Variants in KCNH8 observed in about 807,000 individuals in gnomAD.
The protein encoded by KCNH8 is potassium voltage-gated channel subfamily H member 8.
Under a neutral mutation model 103.6 loss-of-function variants are expected in KCNH8, and 70 were observed. The ratio of observed to expected loss-of-function variants is 0.68; its 90% CI spans 0.56 to 0.82. KCNH8 has a LOEUF of 0.82. Ranked by LOEUF, KCNH8 falls within the 40% of genes least tolerant of loss-of-function variation. The probability of loss-of-function intolerance (pLI) is 0.00; values close to 1 mark genes in which losing one functional copy is unlikely to be tolerated. For missense variants in KCNH8, 1,217 were observed against 1,329.9 expected, an observed-to-expected ratio of 0.92 and a Z score of 1.32; for synonymous variants, 498 against 489.4, an observed-to-expected ratio of 1.02 and a Z score of -0.23.
intron 5 of KCNH8, among the ~76,000 whole-genome samples, chr3:19,375,073 A>G (rs934823050): frequency 2.6e-5 from 4 of 151,182 alleles, no homozygotes; most frequent in African/African-American, 4.9e-5. Flanking sequence ...TGAATCTGAC[A>G]ATTATGTGTC....
intron 1 of KCNH8, among the ~76,000 whole-genome samples, chr3:19,217,051 A>G (rs114008014): frequency 2.6e-3 from 399 of 152,326 alleles, no homozygotes; most frequent in African/African-American, 9.3e-3. Flanking sequence ...TGATAGCAAG[A>G]TGCACCTCGT....
chr3:19,347,971 A>T lies in KCNH8; in HGVS notation c.811+6A>T. On this transcript the variant is annotated splice_donor_region_variant and intron_variant, in intron 5 of 15. Coordinates refer to ENST00000328405, the MANE Select transcript of KCNH8 (RefSeq NM_144633.3). The stretch of plus-strand genomic sequence containing the variant: ...GGAGATTCTTTTTATTATAGGTAAG[A>T]ACAAACAGCTGCTTTCCTACGATAT... 1 of 1,610,424 alleles carries T rather than the reference A, an allele frequency of 6.2e-7. No homozygotes were observed. Among genetic ancestry groups the T allele is most frequent in the Non-Finnish European group, 8.5e-7 (1 of 1,177,660 alleles).
chr3:19,497,808 T>C (rs2068476671), intron 11 of KCNH8, among the ~76,000 whole-genome samples: 1 of 152,194 alleles, frequency 6.6e-6, no homozygotes, highest in South Asian at 2.1e-4. Context: ...ATTTTCTGCC[T>C]GAACAATTTG....
intron 1 of KCNH8, among the ~76,000 whole-genome samples, chr3:19,193,859 G>T (rs932487118): frequency 6.6e-6 from 1 of 151,614 alleles, no homozygotes; most frequent in Admixed American, 6.6e-5. Flanking sequence ...GTTTTTGTTT[G>T]TGTGTGTGCA....
At chr3:19,323,005 C>T (rs1003900587) in intron 3 of KCNH8, among the ~76,000 whole-genome samples, 1 of 152,246 alleles carries the variant, frequency 6.6e-6, no homozygotes, top group Admixed American at 6.5e-5. Flanking sequence ...GTGCATTTTG[C>T]AATTCTCTAA....
chr3:19,495,061 G>A (rs2068409909), intron 11 of KCNH8, among the ~76,000 whole-genome samples: 1 of 152,000 alleles, frequency 6.6e-6, no homozygotes, highest in African/African-American at 2.4e-5. Flanking sequence ...GTCTTTGCTT[G>A]TAAATTTGTG....
chr3:19,379,042 T>C (rs1168593661), intron 5 of KCNH8, among the ~76,000 whole-genome samples: 1 of 152,012 alleles, frequency 6.6e-6, no homozygotes, highest in Non-Finnish European at 1.5e-5. Flanking sequence ...AGAAGAAAAA[T>C]AGTAAGCAGC....
intron 11 of KCNH8, among the ~76,000 whole-genome samples, chr3:19,494,788 A>G (rs1316288548): frequency 6.6e-6 from 1 of 152,156 alleles, no homozygotes; most frequent in Admixed American, 6.5e-5. Flanking sequence ...ACTTCTTTCC[A>G]TAATAGTTGA....
intron 11 of KCNH8, among the ~76,000 whole-genome samples, chr3:19,469,039 T>A (rs796748673): frequency 1.3e-5 from 2 of 152,224 alleles, no homozygotes; most frequent in African/African-American, 2.4e-5. Context: ...ATATTAATAA[T>A]TTTTTAAATC....
chr3:19,151,273 G>T (rs2063126648), intron 1 of KCNH8, among the ~76,000 whole-genome samples: 1 of 151,942 alleles, frequency 6.6e-6, no homozygotes, highest in South Asian at 2.1e-4. Flanking sequence ...TTTTGCAAGA[G>T]AAAACTATTT....
chr3:19,482,880 A>G lies in KCNH8; in HGVS notation c.2040+25898A>G, dbSNP rs187600789. On this transcript the variant is annotated intron_variant, in intron 11 of 15. Coordinates refer to ENST00000328405, the MANE Select transcript of KCNH8 (RefSeq NM_144633.3). ...TCTGAGTTTCTTGCCAGAGCAGAATAGTCAAGGCTCTGCCGGTTTTATTAG... is the reference window on the plus strand; with the variant it reads ...TCTGAGTTTCTTGCCAGAGCAGAATGGTCAAGGCTCTGCCGGTTTTATTAG... Among the ~76,000 whole-genome samples, 3 of 152,318 alleles carry G rather than the reference A, an allele frequency of 2.0e-5. No homozygotes were observed. The East Asian group carries it at 5.8e-4, about 29-fold the overall frequency.
At chr3:19,332,470 G>C (rs945279380) in intron 3 of KCNH8, among the ~76,000 whole-genome samples, 1 of 152,082 alleles carries the variant, frequency 6.6e-6, no homozygotes, top group African/African-American at 2.4e-5. Context: ...AGATAGACCA[G>C]TTTACTTAAC....
chr3:19,499,997 A>G (rs2068539430), intron 11 of KCNH8, among the ~76,000 whole-genome samples: 1 of 152,182 alleles, frequency 6.6e-6, no homozygotes, highest in Non-Finnish European at 1.5e-5. Context: ...AGACTGGCAA[A>G]TTGGATGAAG....
At chr3:19,150,430 T>C (rs2063117974) in intron 1 of KCNH8, among the ~76,000 whole-genome samples, 1 of 152,180 alleles carries the variant, frequency 6.6e-6, no homozygotes, top group East Asian at 1.9e-4. Context: ...AATGAGGTAA[T>C]TGGCAAATGG....
chr3:19,480,493 T>C (rs919275333), intron 11 of KCNH8, among the ~76,000 whole-genome samples: 1 of 152,174 alleles, frequency 6.6e-6, no homozygotes, highest in African/African-American at 2.4e-5. Context: ...ATTCTAATAT[T>C]AGGAACTTTT....
intron 1 of KCNH8, among the ~76,000 whole-genome samples, chr3:19,175,431 G>C (rs1240448966): frequency 6.6e-6 from 1 of 151,848 alleles, no homozygotes; most frequent in Non-Finnish European, 1.5e-5. Flanking sequence ...CCGTGGTCTC[G>C]ATCTCCTGAC....
chr3:19,361,305 A>G (rs759064333), intron 5 of KCNH8, among the ~76,000 whole-genome samples: 1 of 152,004 alleles, frequency 6.6e-6, no homozygotes, highest in African/African-American at 2.4e-5. Flanking sequence ...GAGATCCCAC[A>G]TTTTTCTGCC....
chr3:19,357,728 C>CT (rs1452430135), intron 5 of KCNH8, among the ~76,000 whole-genome samples: 1 of 151,724 alleles, frequency 6.6e-6, no homozygotes, highest in Non-Finnish European at 1.5e-5. Flanking sequence ...CTTCAGAAAG[C>CT]TAAGTGTCAA....
chr3:19,377,433 A>G (rs2066225342), intron 5 of KCNH8, among the ~76,000 whole-genome samples: 1 of 152,210 alleles, frequency 6.6e-6, no homozygotes, highest in African/African-American at 2.4e-5. Flanking sequence ...GGGTGGTTAT[A>G]GCCATTTAAA....
Sources: gnomAD v4.1 joint callset for allele counts (sites outside exome capture counted in the v4.1 genomes callset) on GRCh38, gnomAD v4.1.1 for gene constraint, MANE v1.5 for transcripts, NCBI Gene and HGNC (gene_info 2026-07-23, HGNC 2026-07-21) for gene names.